Variants in PLPP3 observed in about 807,000 individuals in gnomAD.
The protein encoded by PLPP3 is phospholipid phosphatase 3.
PLPP3 carries 6 observed loss-of-function variants against 29.6 expected under a neutral mutation model. The ratio of observed to expected loss-of-function variants is 0.20; its 90% CI spans 0.11 to 0.40. PLPP3 has a LOEUF of 0.40. Among genes scored for constraint, PLPP3 ranks in the 10% least tolerant of loss-of-function variants. The pLI, the probability that PLPP3 is intolerant of heterozygous loss-of-function variation, is 1.00. For synonymous variants in PLPP3, 152 were observed against 159.7 expected (o/e 0.95, Z 0.36); for missense variants, 308 against 407.7 (o/e 0.76, Z 2.11).
intron 1 of PLPP3, among the ~76,000 whole-genome samples, chr1:56,574,580 C>T (rs1318518956): frequency 1.3e-5 from 2 of 152,000 alleles, no homozygotes; most frequent in African/African-American, 2.4e-5. Context: ...TTTTAATCTA[C>T]GAAGGATGGT....
At chr1:56,516,781 A>G (rs1363396384) in intron 4 of PLPP3, 1 of 52,776 alleles carries the variant, frequency 1.9e-5, no homozygotes, top group Non-Finnish European at 3.9e-5. Context: ...TCCGTTGCTA[A>G]AAAAAAAAAA....
At chr1:56,526,384 C>T (rs1006252055) in intron 2 of PLPP3, among the ~76,000 whole-genome samples, 10 of 152,114 alleles carry the variant, frequency 6.6e-5, no homozygotes, top group African/African-American at 2.4e-4. Context: ...AAACTTAGGT[C>T]CAAATTAGCT....
At chr1:56,563,717 G>A (rs1646144926) in intron 1 of PLPP3, among the ~76,000 whole-genome samples, 1 of 152,184 alleles carries the variant, frequency 6.6e-6, no homozygotes. Flanking sequence ...CATCAATGAG[G>A]ATTGCTATAG....
At chr1:56,519,351 A>T (rs1444951362) in intron 4 of PLPP3, among the ~76,000 whole-genome samples, 1 of 152,140 alleles carries the variant, frequency 6.6e-6, no homozygotes, top group African/African-American at 2.4e-5. Context: ...TCCGTAATAT[A>T]ACCTACATAT....
At chr1:56,517,615 A>G (rs1163373971) in intron 4 of PLPP3, among the ~76,000 whole-genome samples, 1 of 152,254 alleles carries the variant, frequency 6.6e-6, no homozygotes, top group Non-Finnish European at 1.5e-5. Flanking sequence ...GATATGATGT[A>G]CATTGAGTAT....
chr1:56,516,956 C>T (rs1038699878), intron 4 of PLPP3: 1 of 152,230 alleles, frequency 6.6e-6, no homozygotes, highest in African/African-American at 2.4e-5. Flanking sequence ...GGAATTCCAA[C>T]AAAACCTCCT....
intron 4 of PLPP3, among the ~76,000 whole-genome samples, chr1:56,519,548 C>T (rs2100242723): frequency 6.6e-6 from 1 of 152,216 alleles, no homozygotes; most frequent in South Asian, 2.1e-4. Flanking sequence ...TCCTTAAGGG[C>T]AGGGCTCAGC....
At chr1:56,562,036 C>CAA (rs71048439) in intron 1 of PLPP3, among the ~76,000 whole-genome samples, 3 of 50,970 alleles carry the variant, frequency 5.9e-5, no homozygotes, top group East Asian at 8.9e-4. Flanking sequence ...CTCCGTTTCA[C>CAA]AAAAAAAAAA....
intron 1 of PLPP3, among the ~76,000 whole-genome samples, chr1:56,563,862 G>A (rs1646145475): frequency 6.6e-6 from 1 of 152,164 alleles, no homozygotes; most frequent in Non-Finnish European, 1.5e-5. Flanking sequence ...TAAGTATTCA[G>A]TAAAGTTCAT....
At chr1:56,547,340 C>T (rs185578415) in intron 1 of PLPP3, among the ~76,000 whole-genome samples, 1 of 152,256 alleles carries the variant, frequency 6.6e-6, no homozygotes, top group East Asian at 1.9e-4. Flanking sequence ...ATCTGGAAGA[C>T]CTGGCCCCCT....
chr1:56,508,500 T>C (rs1038454349), intron 5 of PLPP3, among the ~76,000 whole-genome samples: 1 of 152,248 alleles, frequency 6.6e-6, no homozygotes, highest in African/African-American at 2.4e-5. Flanking sequence ...GTGGCCTTTG[T>C]GCCATACATG....
chr1:56,548,058 T>A (rs547744036), intron 1 of PLPP3, among the ~76,000 whole-genome samples: 7 of 152,338 alleles, frequency 4.6e-5, no homozygotes, highest in Admixed American at 2.6e-4. Flanking sequence ...CTGGCTTGAC[T>A]GGTTTCCTCA....
chr1:56,552,792 T>C (rs1646049667), intron 1 of PLPP3, among the ~76,000 whole-genome samples: 1 of 152,164 alleles, frequency 6.6e-6, no homozygotes, highest in African/African-American at 2.4e-5. Flanking sequence ...GAGAAAAGCC[T>C]GAGAAACATA....
chr1:56,540,250 C>T (rs1037775941), intron 1 of PLPP3, among the ~76,000 whole-genome samples: 3 of 152,102 alleles, frequency 2.0e-5, no homozygotes, highest in Admixed American at 6.6e-5. Context: ...TTTATTGAGG[C>T]TTAACTATAT....
intron 2 of PLPP3, among the ~76,000 whole-genome samples, chr1:56,531,307 A>G (rs1338229560): frequency 6.6e-6 from 1 of 152,160 alleles, no homozygotes; most frequent in East Asian, 1.9e-4. Flanking sequence ...TTATTCTCAG[A>G]CTAATTATTT....
chr1:56,558,356 C>A, intron 1 of PLPP3, among the ~76,000 whole-genome samples: 1 of 152,178 alleles, frequency 6.6e-6, no homozygotes, highest in East Asian at 1.9e-4. Context: ...AAAACACATG[C>A]TTTAGTAAGC....
At chr1:56,507,778 A>G (rs1236480023) in intron 5 of PLPP3, among the ~76,000 whole-genome samples, 1 of 152,212 alleles carries the variant, frequency 6.6e-6, no homozygotes, top group African/African-American at 2.4e-5. Context: ...CAGCATCTGT[A>G]AAAGAGGGAG....
At chr1:56,560,681 G>T (rs1322019537) in intron 1 of PLPP3, among the ~76,000 whole-genome samples, 1 of 152,076 alleles carries the variant, frequency 6.6e-6, no homozygotes, top group South Asian at 2.1e-4. Context: ...CATCACCTTG[G>T]TGATTAGGTT....
At chr1:56,539,343 C>T (rs1645952422) in intron 1 of PLPP3, among the ~76,000 whole-genome samples, 1 of 152,158 alleles carries the variant, frequency 6.6e-6, no homozygotes. Flanking sequence ...CACAATTTTT[C>T]AATTACTTTG....
Sources: gnomAD v4.1 joint callset for allele counts (sites outside exome capture counted in the v4.1 genomes callset) on GRCh38, gnomAD v4.1.1 for gene constraint, MANE v1.5 for transcripts, NCBI Gene and HGNC (gene_info 2026-07-23, HGNC 2026-07-21) for gene names.